Variants in USP25 observed in about 807,000 individuals in gnomAD.
USP25 encodes the protein ubiquitin carboxyl-terminal hydrolase 25.
In USP25, 85 loss-of-function variants were observed where a neutral mutation model predicts 158.5. That is an observed-to-expected ratio of 0.54 (90% confidence interval 0.45 to 0.64). The LOEUF (loss-of-function observed/expected upper bound fraction) is 0.64. USP25 is among the 30% of genes least tolerant of loss of function. The probability of loss-of-function intolerance (pLI) is 0.00; values close to 1 mark genes in which losing one functional copy is unlikely to be tolerated. For missense variants in USP25, 1,242 were observed against 1,327.3 expected (o/e 0.94, Z 1.00); for synonymous variants, 464 against 460.4 (o/e 1.01, Z -0.10).
chr21:15,864,552 A>G, intron 21 of USP25, 106 bp downstream of exon 21: 1 of 1,018,792 alleles, frequency 9.8e-7, no homozygotes, highest in Non-Finnish European at 1.4e-6. Context: ...GCATGGGCAC[A>G]TATTTTAATA....
chr21:15,846,124 A>G (rs59767137), intron 18 of USP25, among the ~76,000 whole-genome samples: 13,276 of 53,218 alleles, frequency 0.25, 1,455 homozygotes, highest in African/African-American at 0.43. Flanking sequence ...GTGTGTGTGT[A>G]TATATATATA....
At chr21:15,840,301 T>C (rs1228792162) in intron 17 of USP25, among the ~76,000 whole-genome samples, 1 of 152,188 alleles carries the variant, frequency 6.6e-6, no homozygotes, top group African/African-American at 2.4e-5. Context: ...GTGCGTAACT[T>C]TTATTGAATT....
chr21:15,783,743 G>A (rs2035103854), intron 4 of USP25, among the ~76,000 whole-genome samples: 1 of 151,692 alleles, frequency 6.6e-6, no homozygotes, highest in South Asian at 2.1e-4. Flanking sequence ...AGATCACGAG[G>A]TCAGGAGATC....
intron 20 of USP25, among the ~76,000 whole-genome samples, chr21:15,855,849 T>C (rs1204276512): frequency 1.3e-5 from 2 of 152,216 alleles, no homozygotes; most frequent in African/African-American, 2.4e-5. Context: ...AAGTAGCCAT[T>C]ATCTGGACTT....
intron 10 of USP25, among the ~76,000 whole-genome samples, chr21:15,823,008 C>G (rs1468468123): frequency 3.9e-5 from 6 of 152,064 alleles, no homozygotes; most frequent in Non-Finnish European, 7.4e-5. Flanking sequence ...CTTTCCAGAT[C>G]CTCCTCAGAT....
chr21:15,838,598 C>T (rs2038175478), intron 17 of USP25, among the ~76,000 whole-genome samples: 1 of 152,110 alleles, frequency 6.6e-6, no homozygotes, highest in African/African-American at 2.4e-5. Context: ...AAGCGTGGCT[C>T]TTTGTAGGCT....
At chr21:15,859,991 A>ATT (rs58141554) in intron 20 of USP25, among the ~76,000 whole-genome samples, 9 of 131,132 alleles carry the variant, frequency 6.9e-5, no homozygotes, top group South Asian at 2.3e-4. Flanking sequence ...ATATATCTAT[A>ATT]TTTTTTTTTT....
At chr21:15,795,816 T>C (rs1023532523) in intron 5 of USP25, among the ~76,000 whole-genome samples, 1 of 151,432 alleles carries the variant, frequency 6.6e-6, no homozygotes, top group East Asian at 1.9e-4. Flanking sequence ...AGACTTGTGG[T>C]TTCAATAATG....
chr21:15,792,348 G>A (rs2035633868), intron 5 of USP25, among the ~76,000 whole-genome samples: 1 of 151,478 alleles, frequency 6.6e-6, no homozygotes, highest in Non-Finnish European at 1.5e-5. Flanking sequence ...ATTCTCGGTT[G>A]ACATTGATAA....
chr21:15,744,284 C>T (rs2032331074), intron 1 of USP25: 1 of 152,484 alleles, frequency 6.6e-6, no homozygotes, highest in Non-Finnish European at 1.5e-5. Context: ...TTTTGTCCAT[C>T]TTGGTGTTGG....
At chr21:15,855,562 T>C (rs2039092897) in intron 20 of USP25, among the ~76,000 whole-genome samples, 1 of 152,228 alleles carries the variant, frequency 6.6e-6, no homozygotes, top group Non-Finnish European at 1.5e-5. Context: ...CCATGCATCT[T>C]GTTAAATTCA....
chr21:15,831,502 G>A lies in USP25; in HGVS notation c.1866G>A (p.Lys622=). The A allele has an allele frequency of 2.5e-6, 4 of 1,614,106 alleles. No individual in the cohort carries two copies. Among genetic ancestry groups the A allele is most frequent in the Non-Finnish European group, 3.4e-6 (4 of 1,179,974 alleles). ...IFDHRESRWM[K]YNDIAVTKSS... The stretch of plus-strand genomic sequence containing the variant: ...ATCATCGTGAAAGCAGATGGATGAA[G>A]TACAATGATATTGCTGTGACAAAAT... The change falls in exon 16 of 26, where the codon AAG becomes AAA. Residue 622 remains lysine, a synonymous_variant. Transcript: ENST00000400183.
intron 1 of USP25, among the ~76,000 whole-genome samples, chr21:15,735,621 A>G (rs996472168): frequency 2.6e-5 from 4 of 152,210 alleles, no homozygotes; most frequent in Admixed American, 1.3e-4. Context: ...GTTAGCTCAT[A>G]AAATGATTAG....
chr21:15,864,508 C>A, intron 21 of USP25, 62 bp downstream of exon 21: 1 of 1,413,414 alleles, frequency 7.1e-7, no homozygotes, highest in Non-Finnish European at 9.5e-7. Flanking sequence ...CTGCAGATTC[C>A]CAGGATAATT....
rs560912237 is a variant in USP25, at chr21:15,764,149, C to G, written c.123+1181C>G. Among the ~76,000 whole-genome samples, 174 of 152,158 alleles carry G rather than the reference C, an allele frequency of 1.1e-3. 2 individuals are homozygous for G. Among genetic ancestry groups the G allele is most frequent in the Non-Finnish European group, 2.0e-3 (135 of 67,976 alleles). ...TGGAGAGGAAGCAGAAGTGCTATAC[C>G]TCAATTTTTATGATTATGACGTTTA... is the stretch of plus-strand genomic sequence containing the variant. On this transcript the variant is annotated intron_variant, in intron 2 of 25. Coordinates refer to ENST00000400183, the MANE Select transcript of USP25 (RefSeq NM_001283041.3).
At chr21:15,842,951 T>G (rs1302667371) in intron 18 of USP25, among the ~76,000 whole-genome samples, 1 of 152,144 alleles carries the variant, frequency 6.6e-6, no homozygotes, top group Non-Finnish European at 1.5e-5. Flanking sequence ...TGTTTAACAA[T>G]AAAACTACTA....
intron 10 of USP25, among the ~76,000 whole-genome samples, chr21:15,819,054 AT>A (rs2146329432): frequency 6.6e-6 from 1 of 152,320 alleles, no homozygotes; most frequent in East Asian, 1.9e-4. Context: ...CACTTAAATA[AT>A]TTATCTCAGA....
intron 3 of USP25, among the ~76,000 whole-genome samples, chr21:15,768,931 G>A (rs919435752): frequency 1.3e-5 from 2 of 152,056 alleles, no homozygotes; most frequent in African/African-American, 2.4e-5. Context: ...CTGACAAAAC[G>A]TCTGTCTTCT....
At chr21:15,778,406 G>T (rs763559715) in intron 4 of USP25, among the ~76,000 whole-genome samples, 2 of 151,954 alleles carry the variant, frequency 1.3e-5, no homozygotes, top group Admixed American at 6.6e-5. Context: ...TGGCTATAGG[G>T]TTTCTGTTAT....
Sources: allele counts gnomAD v4.1 joint callset (sites outside exome capture counted in the v4.1 genomes callset), GRCh38; gene constraint gnomAD v4.1.1; transcripts MANE v1.5; gene names NCBI Gene and HGNC (gene_info 2026-07-23, HGNC 2026-07-21).